The following OSBPL6 variants were observed in gnomAD, a reference collection of about 807,000 sequenced individuals.
OSBPL6 encodes oxysterol binding protein like 6.
A neutral mutation model predicts 125.8 loss-of-function variants in OSBPL6; 49 were observed. The observed-to-expected ratio is 0.39, with a 90% CI of 0.31 to 0.49. The LOEUF (loss-of-function observed/expected upper bound fraction) is 0.49, where lower values mean the gene tolerates loss of function less well. OSBPL6 is among the 20% of genes least tolerant of loss of function. The probability of loss-of-function intolerance (pLI) is 0.88; values close to 1 mark genes in which losing one functional copy is unlikely to be tolerated. For missense variants in OSBPL6, 986 were observed against 1,135.4 expected, an observed-to-expected ratio of 0.87 and a Z score of 1.89; for synonymous variants, 394 against 391.8, an observed-to-expected ratio of 1.01 and a Z score of -0.07.
chr2:178,395,340 A>G, intron 24 of OSBPL6, 111 bp from the exon 25 acceptor site: 1 of 661,164 alleles, frequency 1.5e-6, no homozygotes, highest in Non-Finnish European at 2.6e-6. Flanking sequence ...TAAGATACTA[A>G]CTGGCTTACA....
intron 15 of OSBPL6, among the ~76,000 whole-genome samples, chr2:178,379,271 GAAAGAAAGAAAGA>G (rs1443419424): frequency 1.2e-3 from 133 of 108,616 alleles, no homozygotes; most frequent in African/African-American, 3.8e-3. Context: ...CAAAGAAAGA[GAAAGAAAGAAAGA>G]AAAGAAAGAA....
intron 2 of OSBPL6, among the ~76,000 whole-genome samples, chr2:178,296,202 AT>A (rs1449480283): frequency 1.3e-5 from 2 of 152,186 alleles, no homozygotes; most frequent in Non-Finnish European, 2.9e-5. Context: ...GAACTCAAGA[AT>A]TTGCATTTCC....
At chr2:178,279,804 C>T (rs1346138224) in intron 1 of OSBPL6, among the ~76,000 whole-genome samples, 1 of 152,184 alleles carries the variant, frequency 6.6e-6, no homozygotes, top group African/African-American at 2.4e-5. Flanking sequence ...TTGTCACAAG[C>T]AGTAATCAGG....
At chr2:178,212,470 C>T (rs2089906263) in intron 1 of OSBPL6, among the ~76,000 whole-genome samples, 2 of 152,146 alleles carry the variant, frequency 1.3e-5, no homozygotes, top group Admixed American at 1.3e-4. Flanking sequence ...GCAGTGTGTT[C>T]TGAGGTGAGC....
At chr2:178,344,192 C>A in intron 11 of OSBPL6, 1 of 1,108,924 alleles carries the variant, frequency 9.0e-7, no homozygotes, top group South Asian at 1.3e-5. Flanking sequence ...TAAAAACTCT[C>A]CCTCTCCTTG....
chr2:178,331,751 C>T (rs553401843), intron 6 of OSBPL6, 146 bp downstream of exon 6: 1 of 799,276 alleles, frequency 1.3e-6, no homozygotes, highest in South Asian at 1.6e-5. Flanking sequence ...CCCAAACCTC[C>T]ATGTTCTAAA....
chr2:178,198,266 A>G (rs867375760), intron 1 of OSBPL6, among the ~76,000 whole-genome samples: 1 of 152,186 alleles, frequency 6.6e-6, no homozygotes, highest in South Asian at 2.1e-4. Flanking sequence ...TTTGACTATA[A>G]TGAAAAGAAA....
chr2:178,301,037 G>T (rs1013047370), intron 2 of OSBPL6, among the ~76,000 whole-genome samples: 3 of 151,980 alleles, frequency 2.0e-5, no homozygotes, highest in African/African-American at 7.3e-5. Flanking sequence ...ACATTAAATA[G>T]AAATTGGAAA....
chr2:178,238,552 G>A (rs564533176), intron 1 of OSBPL6, among the ~76,000 whole-genome samples: 10 of 152,298 alleles, frequency 6.6e-5, no homozygotes, highest in Non-Finnish European at 1.0e-4. Context: ...CTAAGCTGAG[G>A]TTGCTGAGAG....
At chr2:178,244,003 T>C (rs1048641667) in intron 1 of OSBPL6, among the ~76,000 whole-genome samples, 2 of 152,194 alleles carry the variant, frequency 1.3e-5, no homozygotes, top group African/African-American at 2.4e-5. Flanking sequence ...CTGTTTAAAG[T>C]CTTTCACCAT....
intron 1 of OSBPL6, among the ~76,000 whole-genome samples, chr2:178,240,202 AT>A (rs941805431): frequency 6.6e-6 from 1 of 152,074 alleles, no homozygotes; most frequent in African/African-American, 2.4e-5. Context: ...GGTTCTGGAG[AT>A]GGATGATGGT....
intron 3 of OSBPL6, among the ~76,000 whole-genome samples, chr2:178,310,617 C>G (rs1181747869): frequency 6.6e-6 from 1 of 151,680 alleles, no homozygotes; most frequent in African/African-American, 2.4e-5. Flanking sequence ...CAGGGTTTCA[C>G]CGTGTTAGCC....
At chr2:178,359,717 T>C (rs867022936) in intron 12 of OSBPL6, among the ~76,000 whole-genome samples, 4 of 152,336 alleles carry the variant, frequency 2.6e-5, no homozygotes, top group Middle Eastern at 3.4e-3. Context: ...TGGAGTATTA[T>C]TCAGCCTTCA....
In OSBPL6 at chr2:178,391,190, C is replaced by G; in HGVS notation, c.2419C>G (p.Pro807Ala). 1 of 1,610,040 alleles carries G rather than the reference C, an allele frequency of 6.2e-7. No homozygotes were observed. The highest frequency in any genetic ancestry group is 8.5e-7 in the Non-Finnish European group (1 of 1,178,486). ...WHEGLYCGVA[P>A]SAKCIWRPGS... ...TGAAGGACTCTACTGTGGTGTGGCC[C>G]CCTCTGCAAAGTGCATTTGGAGACC... Residue 807 changes from proline to alanine, a missense_variant, in exon 22 of 25, where the codon CCC (proline) becomes GCC (alanine). Physicochemically the swap from Pro to Ala is conservative, Grantham distance 27. Coordinates refer to ENST00000190611, the MANE Select transcript of OSBPL6 (RefSeq NM_032523.4).
chr2:178,290,810 T>C (rs1685186935), intron 2 of OSBPL6, among the ~76,000 whole-genome samples: 1 of 151,988 alleles, frequency 6.6e-6, no homozygotes, highest in Admixed American at 6.6e-5. Context: ...AGTGTTTCCA[T>C]GCCTTTTCAG....
intron 12 of OSBPL6, 148 bp downstream of exon 12, chr2:178,349,537 C>A: frequency 1.1e-6 from 1 of 903,146 alleles, no homozygotes; most frequent in Non-Finnish European, 1.6e-6. Context: ...AAAAATGCAA[C>A]AGGACATGAT....
chr2:178,383,191 A>C lies in OSBPL6; in HGVS notation c.1789A>C (p.Asn597His). 2 of 1,614,244 alleles carry C rather than the reference A, an allele frequency of 1.2e-6. No homozygotes were observed. The highest frequency in any genetic ancestry group is 1.7e-6 in the Non-Finnish European group (2 of 1,180,038). The part of the protein sequence containing the change: ...SMPVELNEPL[N>H]TLQHLCEEME... Reference sequence around the variant, plus strand: ...GCCTGTGGAGCTAAACGAGCCGCTCAACACCCTGCAGCACCTCTGTGAGGA... The same window carrying C: ...GCCTGTGGAGCTAAACGAGCCGCTCCACACCCTGCAGCACCTCTGTGAGGA... The change falls in exon 17 of 25, where the codon AAC (asparagine) becomes CAC (histidine). Residue 597 changes from asparagine to histidine, a missense_variant. Asn to His is a moderately conservative substitution (Grantham distance 68). This residue lies in a region of OSBPL6 where 843 missense variants were observed against 997.3 expected (regional missense o/e 0.85). Coordinates refer to ENST00000190611, the MANE Select transcript of OSBPL6 (RefSeq NM_032523.4).
intron 15 of OSBPL6, among the ~76,000 whole-genome samples, chr2:178,374,556 A>G (rs954481667): frequency 2.0e-5 from 3 of 152,326 alleles, no homozygotes; most frequent in Admixed American, 1.3e-4. Context: ...CTTCATGCTT[A>G]TGATTCTTGC....
At chr2:178,321,047 A>T (rs1688197652) in intron 3 of OSBPL6, among the ~76,000 whole-genome samples, 1 of 152,130 alleles carries the variant, frequency 6.6e-6, no homozygotes, top group Admixed American at 6.6e-5. Context: ...ACTACTCTGG[A>T]GGCTGAGGCA....
Sources: gnomAD v4.1 joint callset for allele counts (sites outside exome capture counted in the v4.1 genomes callset) on GRCh38, gnomAD v4.1.1 for gene constraint, gnomAD v4.1.1 regional missense constraint, MANE v1.5 for transcripts, NCBI Gene and HGNC (gene_info 2026-07-23, HGNC 2026-07-21) for gene names.